GMPS: variants seen among roughly 807,000 people sequenced by gnomAD.
GMPS encodes the protein GMP synthase [glutamine-hydrolyzing].
A neutral mutation model predicts 77.9 loss-of-function variants in GMPS; 15 were observed. The observed-to-expected ratio is 0.19, with a 90% CI of 0.13 to 0.30. The LOEUF is 0.30. GMPS is among the 10% of genes least tolerant of loss of function. The pLI, the probability that GMPS is intolerant of heterozygous loss-of-function variation, is 1.00. For missense variants in GMPS, 590 were observed against 838.8 expected, an observed-to-expected ratio of 0.70 and a Z score of 3.66; for synonymous variants, 224 against 275.9, an observed-to-expected ratio of 0.81 and a Z score of 1.86.
At chr3:155,884,501 T>TTGACCAG (rs1754284510) in intron 1 of GMPS, among the ~76,000 whole-genome samples, 2 of 152,194 alleles carry the variant, frequency 1.3e-5, no homozygotes, top group African/African-American at 4.8e-5. Flanking sequence ...ACGTATATTG[T>TTGACCAG]GTCAACAAAA....
intron 1 of GMPS, among the ~76,000 whole-genome samples, chr3:155,889,206 TG>T (rs1408196015): frequency 3.9e-5 from 6 of 152,226 alleles, no homozygotes. Flanking sequence ...TAAGAATTCC[TG>T]GCTCTGTCCC....
intron 15 of GMPS, 36 bp from the exon 16 acceptor site, chr3:155,937,555 T>C: frequency 1.1e-6 from 1 of 894,064 alleles, no homozygotes; most frequent in Non-Finnish European, 1.9e-6. Context: ...GGACATGCAG[T>C]GGATGCTGAC....
intron 12 of GMPS, among the ~76,000 whole-genome samples, chr3:155,928,159 TG>T (rs1177984925): frequency 6.6e-6 from 1 of 150,964 alleles, no homozygotes; most frequent in Admixed American, 6.6e-5. Context: ...CCTGTGTAGC[TG>T]GGGTTACAGG....
intron 1 of GMPS, among the ~76,000 whole-genome samples, chr3:155,889,110 C>T (rs1024113309): frequency 2.6e-5 from 4 of 152,196 alleles, no homozygotes; most frequent in Non-Finnish European, 5.9e-5. Context: ...TAGTTTTCCT[C>T]AACTTTTAGA....
rs1755260122 is a variant in GMPS at position 155,919,296 on chromosome 3, C to G, written c.1276C>G (p.Leu426Val). Residue 426 changes from leucine (L) to valine (V), a missense_variant, in exon 10 of 16, where the codon CTT (leucine) becomes GTT (valine). Leu to Val is a conservative substitution (Grantham distance 32). Coordinates refer to ENST00000496455, the MANE Select transcript of GMPS (RefSeq NM_003875.3). The part of the protein sequence containing the change: ...KDEVRILGRE[L>V]GLPEELVSRH... ...TGAAGTGAGAATTTTGGGCAGAGAACTTGGACTTCCAGAAGAGTTAGTTTC... is the reference window on the plus strand; with the variant it reads ...TGAAGTGAGAATTTTGGGCAGAGAAGTTGGACTTCCAGAAGAGTTAGTTTC... 1.9e-6 allele frequency: 3 copies of G among 1,596,232 alleles called. No homozygotes were observed. Among genetic ancestry groups the G allele is most frequent in the Admixed American group, 1.7e-5 (1 of 58,496 alleles).
intron 13 of GMPS, among the ~76,000 whole-genome samples, chr3:155,933,250 G>A (rs933188665): frequency 6.6e-6 from 1 of 152,102 alleles, no homozygotes; most frequent in African/African-American, 2.4e-5. Flanking sequence ...ATTTGCTGGG[G>A]TCTTTTTGAT....
At chr3:155,894,748 G>A (rs1434421024) in intron 2 of GMPS, among the ~76,000 whole-genome samples, 1 of 152,142 alleles carries the variant, frequency 6.6e-6, no homozygotes, top group Non-Finnish European at 1.5e-5. Context: ...ACAGACATGT[G>A]TGCATTATCC....
At chr3:155,913,275 C>G (rs1369571111) in intron 7 of GMPS, among the ~76,000 whole-genome samples, 1 of 152,096 alleles carries the variant, frequency 6.6e-6, no homozygotes, top group Admixed American at 6.6e-5. Flanking sequence ...GTGAAGGCCT[C>G]CAGTAGCTAA....
At chr3:155,930,562 A>C (rs1755587822) in intron 12 of GMPS, among the ~76,000 whole-genome samples, 2 of 152,088 alleles carry the variant, frequency 1.3e-5, no homozygotes, top group African/African-American at 4.8e-5. Flanking sequence ...CTACCATCAG[A>C]GTGAACAGGC....
chr3:155,916,773 A>G (rs1156616644), intron 9 of GMPS, among the ~76,000 whole-genome samples: 1 of 152,128 alleles, frequency 6.6e-6, no homozygotes, highest in Non-Finnish European at 1.5e-5. Flanking sequence ...TTCTTTTGGT[A>G]TATGCCTGGG....
chr3:155,937,565 CT>C, intron 15 of GMPS, 25 bp from the exon 16 acceptor site: 1 of 1,003,674 alleles, frequency 1.0e-6, no homozygotes, highest in East Asian at 2.4e-5. Context: ...TGGATGCTGA[CT>C]TTTCTCTATA....
chr3:155,870,980 C>G (rs1325419685), intron 1 of GMPS, 83 bp downstream of exon 1: 1 of 1,258,744 alleles, frequency 7.9e-7, no homozygotes, highest in African/African-American at 1.6e-5. Flanking sequence ...AGGCCCTTCC[C>G]CACCCCCTTC....
intron 1 of GMPS, among the ~76,000 whole-genome samples, chr3:155,873,298 A>AT (rs1577494335): frequency 6.6e-6 from 1 of 151,638 alleles, no homozygotes; most frequent in East Asian, 1.9e-4. Flanking sequence ...AATTTATATT[A>AT]TTTTTTTGAG....
upstream of GMPS, chr3:155,870,553 G>C (rs1753875871): frequency 3.4e-6 from 1 of 295,460 alleles, no homozygotes; most frequent in African/African-American, 2.2e-5. Context: ...GGCCGGTTTG[G>C]CGGCGGCTGC....
intron 1 of GMPS, among the ~76,000 whole-genome samples, chr3:155,875,593 A>C (rs1328300205): frequency 2.0e-5 from 3 of 152,246 alleles, no homozygotes; most frequent in Non-Finnish European, 2.9e-5. Flanking sequence ...GCTGAAAATG[A>C]ATGAAAGTGT....
intron 8 of GMPS, among the ~76,000 whole-genome samples, chr3:155,914,913 G>A (rs1282581008): frequency 6.6e-6 from 1 of 150,690 alleles, no homozygotes; most frequent in East Asian, 2.0e-4. Context: ...GGACTACAGG[G>A]GTGCACCATC....
intron 7 of GMPS, among the ~76,000 whole-genome samples, chr3:155,911,839 CAA>C (rs200105245): frequency 5.7e-4 from 43 of 75,712 alleles, no homozygotes; most frequent in Admixed American, 6.1e-4. Context: ...AACTCCATCT[CAA>C]AAAAAAAAAA....
chr3:155,896,268 C>G (rs1696768643), intron 2 of GMPS, among the ~76,000 whole-genome samples: 1 of 152,166 alleles, frequency 6.6e-6, no homozygotes, highest in Non-Finnish European at 1.5e-5. Context: ...CTCGGCCTCC[C>G]AAAGTGCTGG....
At chr3:155,898,103 G>A (rs1754644690) in intron 3 of GMPS, 62 bp downstream of exon 3, 1 of 827,072 alleles carries the variant, frequency 1.2e-6, no homozygotes, top group Non-Finnish European at 2.2e-6. Context: ...GAGTCATACT[G>A]TATTAGTATT....
Sources: allele counts gnomAD v4.1 joint callset (sites outside exome capture counted in the v4.1 genomes callset), GRCh38; gene constraint gnomAD v4.1.1; transcripts MANE v1.5; gene names NCBI Gene and HGNC (gene_info 2026-07-23, HGNC 2026-07-21).